The following TCF12 variants were observed in gnomAD, a reference collection of about 807,000 sequenced individuals.
TCF12 encodes DNA-binding protein HTF4.
Under a neutral mutation model 86.0 loss-of-function variants are expected in TCF12, and 45 were observed. That is an observed-to-expected ratio of 0.52 (90% CI 0.41 to 0.67). TCF12 has a LOEUF of 0.67. Ranked by LOEUF, TCF12 falls within the 30% of genes least tolerant of loss-of-function variation. The pLI is 0.00. For missense variants in TCF12, 881 were observed against 859.9 expected (o/e 1.02, Z -0.31); for synonymous variants, 330 against 299.6 (o/e 1.10, Z -1.05).
At chr15:56,992,322 TTTAA>T (rs1346359770) in intron 3 of TCF12, among the ~76,000 whole-genome samples, 1 of 152,206 alleles carries the variant, frequency 6.6e-6, no homozygotes, top group Admixed American at 6.5e-5. Flanking sequence ...TCCAGTCTCC[TTTAA>T]TTAAGTTTTA....
intron 3 of TCF12, among the ~76,000 whole-genome samples, chr15:56,977,557 G>T (rs139719651): frequency 1.3e-4 from 19 of 149,886 alleles, no homozygotes; most frequent in Admixed American, 7.0e-4. Context: ...GTGTGTGTGT[G>T]TGTGTGTATG....
At chr15:57,261,572 C>A (rs998832340) in intron 16 of TCF12, among the ~76,000 whole-genome samples, 1 of 152,104 alleles carries the variant, frequency 6.6e-6, no homozygotes, top group Non-Finnish European at 1.5e-5. Context: ...GCTTAATCTT[C>A]TAGTTGACAC....
At chr15:57,250,060 G>T (rs970027872) in intron 13 of TCF12, among the ~76,000 whole-genome samples, 5 of 150,666 alleles carry the variant, frequency 3.3e-5, no homozygotes, top group Non-Finnish European at 7.4e-5. Context: ...TTTTAAATTA[G>T]ATTTATACCT....
chr15:57,190,826 T>C (rs2056942661), intron 6 of TCF12, among the ~76,000 whole-genome samples: 1 of 152,206 alleles, frequency 6.6e-6, no homozygotes, highest in Non-Finnish European at 1.5e-5. Flanking sequence ...ATATTTTTGA[T>C]GCCTAAGATA....
intron 3 of TCF12, among the ~76,000 whole-genome samples, chr15:57,054,635 T>G (rs2067862553): frequency 6.6e-6 from 1 of 152,184 alleles, no homozygotes; most frequent in Non-Finnish European, 1.5e-5. Context: ...TATTTTATTG[T>G]ATGGTTGGAT....
At chr15:57,020,517 G>A (rs2065413788) in intron 3 of TCF12, among the ~76,000 whole-genome samples, 1 of 152,126 alleles carries the variant, frequency 6.6e-6, no homozygotes, top group Non-Finnish European at 1.5e-5. Flanking sequence ...CCTAATTTCT[G>A]TGTATTATAT....
chr15:57,009,670 A>C (rs1303112606), intron 3 of TCF12, among the ~76,000 whole-genome samples: 3 of 152,230 alleles, frequency 2.0e-5, no homozygotes, highest in Non-Finnish European at 4.4e-5. Context: ...AAACACTGAA[A>C]AAATATCAGG....
chr15:57,244,364 T>TA (rs147644648), intron 13 of TCF12, among the ~76,000 whole-genome samples: 28,140 of 152,172 alleles, frequency 0.18, 3,187 homozygotes, highest in Non-Finnish European at 0.25. Context: ...TTCCCATAGA[T>TA]AAAAAAATTC....
chr15:56,964,891 T>C (rs977447823), intron 3 of TCF12, among the ~76,000 whole-genome samples: 13 of 152,236 alleles, frequency 8.5e-5, no homozygotes, highest in African/African-American at 2.4e-4. Flanking sequence ...GTTGTATAAG[T>C]AGTCACCATA....
intron 3 of TCF12, among the ~76,000 whole-genome samples, chr15:56,992,726 T>A (rs1296644905): frequency 2.6e-5 from 4 of 152,334 alleles, no homozygotes; most frequent in South Asian, 2.1e-4. Context: ...ATGATTGGAT[T>A]TTATTAATAG....
intron 4 of TCF12, among the ~76,000 whole-genome samples, chr15:57,081,281 G>A (rs1272073155): frequency 6.6e-6 from 1 of 152,150 alleles, no homozygotes; most frequent in African/African-American, 2.4e-5. Flanking sequence ...CTATCGGGGA[G>A]CAGTTATTAC....
chr15:57,180,208 A>G (rs1357108193), intron 6 of TCF12, among the ~76,000 whole-genome samples: 4 of 152,096 alleles, frequency 2.6e-5, no homozygotes, highest in Non-Finnish European at 5.9e-5. Context: ...CCCAACATTT[A>G]TTTTTTGCCC....
intron 3 of TCF12, among the ~76,000 whole-genome samples, chr15:57,056,100 G>C (rs553625763): frequency 7.0e-6 from 1 of 143,790 alleles, no homozygotes; most frequent in African/African-American, 2.7e-5. Context: ...CTAAATTTCA[G>C]ATACTTAGTT....
chr15:56,947,759 AG>A (rs1455689004), intron 3 of TCF12, among the ~76,000 whole-genome samples: 1 of 152,198 alleles, frequency 6.6e-6, no homozygotes, highest in African/African-American at 2.4e-5. Flanking sequence ...GTGTAGTGGA[AG>A]AGTAGAGGCA....
At chr15:57,188,856 A>G (rs556956794) in intron 6 of TCF12, among the ~76,000 whole-genome samples, 1 of 152,230 alleles carries the variant, frequency 6.6e-6, no homozygotes, top group Non-Finnish European at 1.5e-5. Context: ...TGGCATTATC[A>G]TAGTTCATGC....
intron 8 of TCF12, among the ~76,000 whole-genome samples, chr15:57,221,682 A>C (rs2058604624): frequency 6.6e-6 from 1 of 151,990 alleles, no homozygotes; most frequent in Non-Finnish European, 1.5e-5. Context: ...AAAATATATA[A>C]ATAAAGAGAT....
At chr15:57,068,243 A>G (rs1272345985) in intron 4 of TCF12, among the ~76,000 whole-genome samples, 4 of 152,204 alleles carry the variant, frequency 2.6e-5, no homozygotes, top group Non-Finnish European at 5.9e-5. Context: ...AAATGAGGCA[A>G]TATATGGAAA....
At position 57,186,106 on chromosome 15, in the gene TCF12, T is replaced by C. The variant is rs181428369; in HGVS notation, c.391-6052T>C. On this transcript the variant is annotated intron_variant, in intron 6 of 20. Transcript: ENST00000333725. ...GATGAAGTAGACAAATTCCTAGATA[T>C]AAACACACTACCAAAACTGGCTTAA... is the stretch of plus-strand genomic sequence containing the variant. Among the ~76,000 whole-genome samples, 646 of 152,288 alleles carry C rather than the reference T, an allele frequency of 4.2e-3. 7 individuals are homozygous for C. Among genetic ancestry groups the C allele is most frequent in the African/African-American group, 0.014 (594 of 41,550 alleles).
chr15:56,974,836 T>A (rs1462369772), intron 3 of TCF12, among the ~76,000 whole-genome samples: 7 of 152,098 alleles, frequency 4.6e-5, no homozygotes, highest in Non-Finnish European at 1.0e-4. Context: ...TTCTAAGTGA[T>A]TTTTATGAAA....
Sources: allele counts gnomAD v4.1 joint callset (sites outside exome capture counted in the v4.1 genomes callset), GRCh38; gene constraint gnomAD v4.1.1; transcripts MANE v1.5; gene names NCBI Gene and HGNC (gene_info 2026-07-23, HGNC 2026-07-21).